COL5A2: variants seen among roughly 807,000 people sequenced by gnomAD.
COL5A2 encodes collagen alpha-2(V) chain.
A neutral mutation model predicts 208.2 loss-of-function variants in COL5A2; 23 were observed. The observed-to-expected ratio is 0.11, with a 90% CI of 0.08 to 0.16. The LOEUF is 0.16. Among genes scored for constraint, COL5A2 ranks in the 10% least tolerant of loss-of-function variants. COL5A2 has a pLI of 1.00. For synonymous variants in COL5A2, 625 were observed against 628.5 expected (o/e 0.99, Z 0.08); for missense variants, 1,590 against 1,956.4 (o/e 0.81, Z 3.53).
the COL5A2 span, among the ~76,000 whole-genome samples, chr2:189,276,698 A>T: frequency 6.6e-5 from 10 of 152,270 alleles, no homozygotes; most frequent in African/African-American, 2.4e-4. Flanking sequence ...AAGTTGGAAT[A>T]TTTCTATATT....
the COL5A2 span, among the ~76,000 whole-genome samples, chr2:189,279,373 C>T: frequency 5.0e-3 from 761 of 151,588 alleles, 9 homozygotes; most frequent in African/African-American, 0.017. Context: ...ATTTAAATGA[C>T]GGATATTTTA....
At chr2:189,102,225 C>T (rs1272503622) in intron 3 of COL5A2, among the ~76,000 whole-genome samples, 1 of 151,950 alleles carries the variant, frequency 6.6e-6, no homozygotes, top group Non-Finnish European at 1.5e-5. Context: ...TGTGAAATTT[C>T]CATCCTAAGA....
At chr2:189,365,116 T>G in the COL5A2 span, among the ~76,000 whole-genome samples, 2 of 152,224 alleles carry the variant, frequency 1.3e-5, no homozygotes, top group African/African-American at 4.8e-5. Context: ...TTTCAGCCAA[T>G]CTGTAATTTG....
chr2:189,302,030 C>G, the COL5A2 span, among the ~76,000 whole-genome samples: 3 of 152,092 alleles, frequency 2.0e-5, no homozygotes, highest in African/African-American at 7.2e-5. Context: ...ATAAACTTTT[C>G]TACGAATTTC....
chr2:189,110,553 G>C, intron 1 of COL5A2, 104 bp from the exon 2 acceptor site: 1 of 998,516 alleles, frequency 1.0e-6, no homozygotes, highest in Non-Finnish European at 1.5e-6. Context: ...GGACTAAGAA[G>C]TAACCTTCCA....
intron 1 of COL5A2, among the ~76,000 whole-genome samples, chr2:189,132,374 G>A (rs1687733222): frequency 1.3e-5 from 2 of 152,170 alleles, no homozygotes; most frequent in South Asian, 2.1e-4. Flanking sequence ...TTAAAACAGA[G>A]GAAATGAACT....
the COL5A2 span, among the ~76,000 whole-genome samples, chr2:189,256,273 T>C: frequency 3.0e-4 from 45 of 152,206 alleles, no homozygotes; most frequent in African/African-American, 1.1e-3. Context: ...ATCAAACAGA[T>C]TGGAGGGACA....
At chr2:189,320,312 C>T in the COL5A2 span, among the ~76,000 whole-genome samples, 1 of 152,202 alleles carries the variant, frequency 6.6e-6, no homozygotes, top group African/African-American at 2.4e-5. Flanking sequence ...CAAAGCTGGA[C>T]AGAGAATGAC....
the COL5A2 span, among the ~76,000 whole-genome samples, chr2:189,322,374 T>G: frequency 6.6e-6 from 1 of 151,854 alleles, no homozygotes. Context: ...CTTCAAAAAA[T>G]CAATGAATAC....
intron 1 of COL5A2, among the ~76,000 whole-genome samples, chr2:189,113,615 A>G (rs1687327547): frequency 6.7e-6 from 1 of 148,902 alleles, no homozygotes; most frequent in Non-Finnish European, 1.5e-5. Flanking sequence ...AACTTATTAT[A>G]TAATTTTAAT....
intron 25 of COL5A2, 89 bp from the exon 26 acceptor site, chr2:189,064,122 C>T: frequency 1.0e-6 from 1 of 996,320 alleles, no homozygotes; most frequent in South Asian, 1.4e-5. Flanking sequence ...GCATTTTTGT[C>T]AACTGAATAG....
the COL5A2 span, among the ~76,000 whole-genome samples, chr2:189,296,579 G>A: frequency 3.3e-5 from 5 of 152,194 alleles, no homozygotes; most frequent in African/African-American, 1.2e-4. Context: ...AAGAGTGTTA[G>A]TTTTGTTTCA....
chr2:189,101,500 T>C lies in COL5A2; in HGVS notation c.337-1361A>G, dbSNP rs117719181. Among the ~76,000 whole-genome samples the C allele has an allele frequency of 3.3e-3, 504 of 152,212 alleles. 12 individuals carry two copies. The highest frequency in any genetic ancestry group is 0.025 in the East Asian group (129 of 5,184). The stretch of plus-strand genomic sequence containing the variant: ...AGTTTAAGAATGACATTAAAATGAA[T>C]ATCTTTGTTTATAAATGTGTCCATG... On this transcript the variant is annotated intron_variant, in intron 3 of 53. Coordinates refer to ENST00000374866, the MANE Select transcript of COL5A2 (RefSeq NM_000393.5).
chr2:189,395,848 G>T, the COL5A2 span, among the ~76,000 whole-genome samples: 1 of 137,644 alleles, frequency 7.3e-6, no homozygotes, highest in African/African-American at 2.7e-5. Context: ...GGAAGTGGAG[G>T]TTGCAGTGAG....
chr2:189,204,868 G>T (rs918780042), intron 1 of COL5A2, among the ~76,000 whole-genome samples: 5 of 152,108 alleles, frequency 3.3e-5, no homozygotes. Context: ...GAATACCTGC[G>T]ATTTATTTGT....
chr2:189,384,515 A>G, the COL5A2 span, among the ~76,000 whole-genome samples: 2 of 152,142 alleles, frequency 1.3e-5, no homozygotes. Context: ...AGTGATGATG[A>G]GCACTTTTTA....
At chr2:189,040,326 C>G (rs1001494658) in intron 50 of COL5A2, among the ~76,000 whole-genome samples, 2 of 127,284 alleles carry the variant, frequency 1.6e-5, no homozygotes, top group African/African-American at 5.7e-5. Context: ...AAATAAAGAG[C>G]CCTCCTGCCT....
At chr2:189,063,471 C>T (rs1217131785) in intron 26 of COL5A2, among the ~76,000 whole-genome samples, 1 of 152,124 alleles carries the variant, frequency 6.6e-6, no homozygotes, top group Non-Finnish European at 1.5e-5. Context: ...AGATTTTATT[C>T]TTATTCTAGA....
chr2:189,327,659 T>C, the COL5A2 span, among the ~76,000 whole-genome samples: 35 of 152,324 alleles, frequency 2.3e-4, 1 homozygote, highest in Middle Eastern at 6.8e-3. Context: ...GGTTGTCATA[T>C]AACTTGATGA....
Sources: gnomAD v4.1 joint callset for allele counts (sites outside exome capture counted in the v4.1 genomes callset) on GRCh38, gnomAD v4.1.1 for gene constraint, MANE v1.5 for transcripts, NCBI Gene and HGNC (gene_info 2026-07-23, HGNC 2026-07-21) for gene names.